The following SH3RF2 variants were observed in gnomAD, a reference collection of about 807,000 sequenced individuals.
The protein encoded by SH3RF2 is E3 ubiquitin-protein ligase SH3RF2.
In SH3RF2, 43 loss-of-function variants were observed where a neutral mutation model predicts 59.0. The observed-to-expected ratio is 0.73, with a 90% CI of 0.57 to 0.94. SH3RF2 has a LOEUF of 0.94. SH3RF2 is among the 40% of genes least tolerant of loss of function. SH3RF2 has a pLI of 0.00. For missense variants in SH3RF2, 930 were observed against 940.1 expected (o/e 0.99, Z 0.14); for synonymous variants, 391 against 391.5 (o/e 1.00, Z 0.01).
At chr5:146,028,705 G>GTCTGGCTTGTAGTAAATGCAGGT (rs2150002510) in intron 5 of SH3RF2, among the ~76,000 whole-genome samples, 1 of 152,210 alleles carries the variant, frequency 6.6e-6, no homozygotes, top group Non-Finnish European at 1.5e-5. Flanking sequence ...GTAGCACAGG[G>GTCTGGCTTGTAGTAAATGCAGGT]TCTGGCTTGT....
intron 5 of SH3RF2, among the ~76,000 whole-genome samples, chr5:146,014,451 T>G (rs934327284): frequency 6.6e-6 from 1 of 152,152 alleles, no homozygotes; most frequent in African/African-American, 2.4e-5. Flanking sequence ...AATCTGAGAT[T>G]CAATATCCCA....
Position 145,957,843 on chromosome 5 carries a change from C to T in SH3RF2, c.378+19537C>T, listed in dbSNP as rs140482146. On this transcript the variant is annotated intron_variant, in intron 2 of 9. Coordinates refer to ENST00000359120, the MANE Select transcript of SH3RF2 (RefSeq NM_152550.4). ...AAACCAAAAGACCAGCCAGGCACAG[C>T]GGCTCACGCCTGTAATCCCAATACT... Among the ~76,000 whole-genome samples the T allele has an allele frequency of 4.3e-3, 658 of 152,228 alleles. 1 individual carries two copies. Among genetic ancestry groups the T allele is most frequent in the Non-Finnish European group, 6.6e-3 (451 of 67,994 alleles).
rs148060116 is a variant in SH3RF2, at chr5:146,023,485, AG to A, written c.1059+9426del. Reference sequence around the variant, plus strand: ...CGGCCTCCCAAAGTACTGGGATTACAGGTGTGAGCCACTGAGGCTGGCCTCC... The same window carrying A: ...CGGCCTCCCAAAGTACTGGGATTACAGTGTGAGCCACTGAGGCTGGCCTCC... On this transcript the variant is annotated intron_variant, in intron 5 of 9. Transcript: ENST00000359120. Among the ~76,000 whole-genome samples, 1,143 of 152,324 alleles carry A rather than the reference AG, an allele frequency of 7.5e-3. 9 individuals are homozygous for A. The highest frequency in any genetic ancestry group is 0.025 in the African/African-American group (1,054 of 41,582).
At position 146,075,581 on chromosome 5, in the gene SH3RF2, C is replaced by T. The variant is rs548581057; in HGVS notation, c.*34-2879C>T. Among the ~76,000 whole-genome samples the T allele has an allele frequency of 5.3e-5, 8 of 152,058 alleles. No individual in the cohort carries two copies. In the South Asian group the frequency reaches 8.3e-4, roughly 16 times the overall value. ...ATCCTAGCACTTTGGGAGGCCAAGG[C>T]GGGTGGATCAACTGAAGTCAGGAGT... On this transcript the variant is annotated intron_variant, in intron 9 of 9. Coordinates refer to the SH3RF2 transcript ENST00000511217.
intron 7 of SH3RF2, among the ~76,000 whole-genome samples, chr5:146,055,062 T>C (rs981607284): frequency 6.6e-6 from 1 of 152,238 alleles, no homozygotes; most frequent in African/African-American, 2.4e-5. Flanking sequence ...TAAGGGATTG[T>C]TGTTTCATAA....
chr5:146,030,576 A>C (rs746573336), intron 5 of SH3RF2, among the ~76,000 whole-genome samples: 1 of 152,192 alleles, frequency 6.6e-6, no homozygotes, highest in Non-Finnish European at 1.5e-5. Flanking sequence ...GGTCACTAGG[A>C]GGACTAACCC....
At chr5:145,964,374 T>G (rs1333868668) in intron 2 of SH3RF2, among the ~76,000 whole-genome samples, 2 of 147,252 alleles carry the variant, frequency 1.4e-5, no homozygotes, top group Non-Finnish European at 3.0e-5. Context: ...TGGCGCCATC[T>G]CAGCTCGCTG....
chr5:145,951,093 T>A (rs748174902), intron 2 of SH3RF2, among the ~76,000 whole-genome samples: 4 of 152,152 alleles, frequency 2.6e-5, no homozygotes, highest in Non-Finnish European at 4.4e-5. Flanking sequence ...TAAGAAAAAA[T>A]TATAAATTTA....
chr5:146,075,789 A>G, intron 9 of SH3RF2, among the ~76,000 whole-genome samples: 1 of 133,574 alleles, frequency 7.5e-6, no homozygotes, highest in Non-Finnish European at 1.5e-5. Flanking sequence ...AAAAAAAAAA[A>G]AAAAAAAAAA....
At chr5:146,001,320 A>T (rs1277911448) in intron 3 of SH3RF2, among the ~76,000 whole-genome samples, 2 of 152,250 alleles carry the variant, frequency 1.3e-5, no homozygotes, top group East Asian at 3.8e-4. Context: ...AAAAAGTGGC[A>T]CTGCTACAAT....
intron 2 of SH3RF2, among the ~76,000 whole-genome samples, chr5:145,963,610 A>G (rs962832485): frequency 2.0e-5 from 3 of 152,206 alleles, no homozygotes; most frequent in African/African-American, 4.8e-5. Flanking sequence ...ATTGCACAAG[A>G]AAGTTTGTTT....
intron 2 of SH3RF2, among the ~76,000 whole-genome samples, chr5:145,991,114 G>A (rs530807531): frequency 6.6e-6 from 1 of 152,242 alleles, no homozygotes; most frequent in African/African-American, 2.4e-5. Flanking sequence ...GTTTTATGAT[G>A]GAAAAACATG....
chr5:146,012,989 A>T (rs1386604177), intron 4 of SH3RF2, among the ~76,000 whole-genome samples: 3 of 151,864 alleles, frequency 2.0e-5, no homozygotes, highest in Non-Finnish European at 4.4e-5. Context: ...TTTTTTTGAC[A>T]GCTGATTTAC....
intron 2 of SH3RF2, among the ~76,000 whole-genome samples, chr5:145,965,307 C>T (rs949711545): frequency 2.6e-5 from 4 of 151,978 alleles, no homozygotes; most frequent in Non-Finnish European, 4.4e-5. Context: ...ATGGTGTTGA[C>T]CCTCAGGCAA....
intron 5 of SH3RF2, among the ~76,000 whole-genome samples, chr5:146,030,177 C>T (rs1761691855): frequency 6.6e-6 from 1 of 152,130 alleles, no homozygotes; most frequent in South Asian, 2.1e-4. Context: ...TGTGCCTTCC[C>T]CCACTGCCTT....
chr5:145,966,965 G>A (rs897776052), intron 2 of SH3RF2, among the ~76,000 whole-genome samples: 1 of 152,116 alleles, frequency 6.6e-6, no homozygotes, highest in African/African-American at 2.4e-5. Context: ...AGGCTGCAGT[G>A]AGCTAAGATC....
rs1485897951 is a variant in SH3RF2 at position 146,033,438 on chromosome 5, C to T, written c.1060-14334C>T. On this transcript the variant is annotated intron_variant, in intron 5 of 9. Coordinates refer to ENST00000359120, the MANE Select transcript of SH3RF2 (RefSeq NM_152550.4). Reference sequence around the variant, plus strand: ...AATTTCCTTAGTGAAAATCTATGAGCACTAGCCCTTAGCTTTTTTTTTTTT... The same window carrying T: ...AATTTCCTTAGTGAAAATCTATGAGTACTAGCCCTTAGCTTTTTTTTTTTT... Among the ~76,000 whole-genome samples the T allele has an allele frequency of 2.2e-5, 3 of 138,262 alleles. No homozygotes were observed. In the Admixed American group the frequency reaches 2.3e-4, roughly 10 times the overall value. 90.7% of individuals were successfully genotyped at this position (138,262 alleles called of 152,430 possible). A position where few individuals can be genotyped will look rare whatever the true frequency, so the allele number is the denominator to read the frequency against.
At chr5:146,030,455 G>A (rs942963750) in intron 5 of SH3RF2, among the ~76,000 whole-genome samples, 2 of 152,140 alleles carry the variant, frequency 1.3e-5, no homozygotes, top group Non-Finnish European at 2.9e-5. Context: ...ACACTGATGA[G>A]GTCAGAGAAC....
At chr5:145,992,230 C>G (rs10073748) in intron 2 of SH3RF2, among the ~76,000 whole-genome samples, 4,063 of 152,050 alleles carry the variant, frequency 0.027, 179 homozygotes, top group African/African-American at 0.092. Flanking sequence ...AAAAAATTAG[C>G]CAGGCGTGGT....
Sources: allele counts gnomAD v4.1 joint callset (sites outside exome capture counted in the v4.1 genomes callset), GRCh38; gene constraint gnomAD v4.1.1; transcripts MANE v1.5; gene names NCBI Gene and HGNC (gene_info 2026-07-23, HGNC 2026-07-21).